Variants in CHST9 observed in about 807,000 individuals in gnomAD.
The protein encoded by CHST9 is GalNAc-4-sulfotransferase 2.
In CHST9, 41 loss-of-function variants were observed where a neutral mutation model predicts 44.4. That is an observed-to-expected ratio of 0.92 (90% CI 0.72 to 1.20). CHST9 has a LOEUF of 1.20. Among genes scored for constraint, CHST9 ranks in the 50% most tolerant of loss-of-function variants. The probability of loss-of-function intolerance (pLI) is 0.00; values close to 1 mark genes in which losing one functional copy is unlikely to be tolerated. For synonymous variants in CHST9, 171 were observed against 178.4 expected (o/e 0.96, Z 0.33); for missense variants, 504 against 516.5 (o/e 0.98, Z 0.23).
At chr18:26,953,710 T>C (rs2056282901) in intron 4 of CHST9, among the ~76,000 whole-genome samples, 1 of 152,184 alleles carries the variant, frequency 6.6e-6, no homozygotes, top group South Asian at 2.1e-4. Context: ...TACTGTTTGA[T>C]CAGCTGTCAG....
At chr18:26,925,295 G>GTTAA (rs3084252) in intron 5 of CHST9, among the ~76,000 whole-genome samples, 64,232 of 151,672 alleles carry the variant, frequency 0.42, 14,084 homozygotes, top group East Asian at 0.7. Context: ...TGTTTGCCTA[G>GTTAA]TTAATAGACT....
intron 3 of CHST9, among the ~76,000 whole-genome samples, chr18:27,027,962 C>T (rs1432094791): frequency 1.3e-5 from 2 of 152,154 alleles, no homozygotes; most frequent in Non-Finnish European, 2.9e-5. Context: ...TGCAGTGGCG[C>T]GATCTCGGCT....
rs138583545 is a variant in CHST9, at chr18:27,144,548, C to T, written c.-96-1643G>A. Among the ~76,000 whole-genome samples the T allele has an allele frequency of 2.9e-3, 445 of 152,084 alleles. 1 individual carries two copies. The highest frequency in any genetic ancestry group is 0.013 in the South Asian group (63 of 4,810). On this transcript the variant is annotated intron_variant, in intron 1 of 5. Coordinates refer to ENST00000618847, the MANE Select transcript of CHST9 (RefSeq NM_031422.6). The stretch of plus-strand genomic sequence containing the variant: ...AAAATAGATTTTAAAATTAGCCCAG[C>T]GTGGTGCCATGGGCCTCTAGTCCCA...
intron 3 of CHST9, among the ~76,000 whole-genome samples, chr18:27,026,445 T>C (rs2057286072): frequency 6.6e-6 from 1 of 152,210 alleles, no homozygotes; most frequent in South Asian, 2.1e-4. Flanking sequence ...ATCGATTAAA[T>C]GATAGGGAAA....
intron 2 of CHST9, among the ~76,000 whole-genome samples, chr18:27,117,506 T>C (rs1435488735): frequency 2.0e-5 from 3 of 152,142 alleles, no homozygotes; most frequent in Non-Finnish European, 4.4e-5. Context: ...TCTTACATAG[T>C]AGTTTCAGTG....
chr18:27,107,777 A>G (rs1210532946), intron 2 of CHST9, among the ~76,000 whole-genome samples: 1 of 152,162 alleles, frequency 6.6e-6, no homozygotes, highest in Non-Finnish European at 1.5e-5. Context: ...GACTTGATAA[A>G]TACCTATCTC....
chr18:26,921,791 C>A (rs1175580345), intron 5 of CHST9, among the ~76,000 whole-genome samples: 1 of 152,092 alleles, frequency 6.6e-6, no homozygotes, highest in Non-Finnish European at 1.5e-5. Flanking sequence ...TATATAAAGC[C>A]AAAATTATCC....
At chr18:27,015,094 C>A (rs1031538863) in intron 4 of CHST9, among the ~76,000 whole-genome samples, 4 of 151,998 alleles carry the variant, frequency 2.6e-5, no homozygotes, top group Non-Finnish European at 5.9e-5. Flanking sequence ...TAGTTATGGT[C>A]ATTTGCAGAT....
intron 4 of CHST9, among the ~76,000 whole-genome samples, chr18:27,009,341 T>G (rs1182733236): frequency 1.3e-5 from 2 of 152,178 alleles, no homozygotes; most frequent in African/African-American, 2.4e-5. Context: ...AACTCTTTCC[T>G]AGGAGGAGGC....
chr18:26,984,729 C>CAAAAAAAA (rs200222761), intron 4 of CHST9, among the ~76,000 whole-genome samples: 19 of 61,684 alleles, frequency 3.1e-4, no homozygotes, highest in South Asian at 5.0e-4. Context: ...TACCAAAAGA[C>CAAAAAAAA]AAAAAAAAAA....
chr18:27,104,851 A>G (rs2058206940), intron 2 of CHST9, among the ~76,000 whole-genome samples: 1 of 152,138 alleles, frequency 6.6e-6, no homozygotes, highest in Non-Finnish European at 1.5e-5. Context: ...TTGAAAAAAA[A>G]TGAAATTTGT....
At chr18:27,064,408 T>C (rs2057759344) in intron 2 of CHST9, among the ~76,000 whole-genome samples, 1 of 152,096 alleles carries the variant, frequency 6.6e-6, no homozygotes, top group African/African-American at 2.4e-5. Context: ...GAGCACTCTG[T>C]TCCGCACGCA....
At chr18:27,035,358 T>A (rs1188076263) in intron 3 of CHST9, among the ~76,000 whole-genome samples, 2 of 152,190 alleles carry the variant, frequency 1.3e-5, no homozygotes, top group Admixed American at 1.3e-4. Context: ...TGGTTTTTGT[T>A]GTTATTTTTT....
intron 2 of CHST9, among the ~76,000 whole-genome samples, chr18:27,137,889 A>G (rs983801469): frequency 6.6e-6 from 1 of 152,116 alleles, no homozygotes; most frequent in Non-Finnish European, 1.5e-5. Flanking sequence ...TGGGGGAAAA[A>G]ATAAACAACA....
chr18:27,145,103 A>G (rs2058600949), intron 1 of CHST9, among the ~76,000 whole-genome samples: 1 of 152,240 alleles, frequency 6.6e-6, no homozygotes, highest in South Asian at 2.1e-4. Flanking sequence ...ATTAGAAAAA[A>G]AAACCCACCA....
intron 3 of CHST9, among the ~76,000 whole-genome samples, chr18:27,040,491 C>T (rs1237874827): frequency 1.3e-5 from 2 of 152,122 alleles, no homozygotes; most frequent in African/African-American, 4.8e-5. Context: ...CTTTGTGGGT[C>T]TCTCTGTTTT....
intron 2 of CHST9, among the ~76,000 whole-genome samples, chr18:27,141,843 C>CT (rs757342772): frequency 3.0e-4 from 46 of 151,764 alleles, no homozygotes; most frequent in Non-Finnish European, 5.3e-4. Flanking sequence ...AAGCCATAGT[C>CT]TATTTCTACC....
intron 2 of CHST9, among the ~76,000 whole-genome samples, chr18:27,106,049 G>A (rs1027251409): frequency 2.6e-5 from 4 of 152,146 alleles, no homozygotes; most frequent in East Asian, 1.9e-4. Flanking sequence ...ATTTAAATGT[G>A]TAGAGGAAGA....
intron 4 of CHST9, among the ~76,000 whole-genome samples, chr18:26,977,408 T>C (rs193159984): frequency 6.8e-4 from 98 of 143,662 alleles, no homozygotes; most frequent in Non-Finnish European, 1.3e-3. Flanking sequence ...TTGGAAATCA[T>C]TTCCAAAGGT....
Sources: gnomAD v4.1 joint callset for allele counts (sites outside exome capture counted in the v4.1 genomes callset) on GRCh38, gnomAD v4.1.1 for gene constraint, MANE v1.5 for transcripts, NCBI Gene and HGNC (gene_info 2026-07-23, HGNC 2026-07-21) for gene names.